KLC1: variants seen among roughly 807,000 people sequenced by gnomAD.
KLC1 encodes kinesin light chain 1.
Under a neutral mutation model 84.2 loss-of-function variants are expected in KLC1, and 30 were observed. The ratio of observed to expected loss-of-function variants is 0.36; its 90% CI spans 0.27 to 0.48. KLC1 has a LOEUF of 0.48. KLC1 is among the 20% of genes least tolerant of loss of function. The pLI is 0.99. For missense variants in KLC1, 499 were observed against 805.4 expected (o/e 0.62, Z 4.60); for synonymous variants, 289 against 293.3 (o/e 0.99, Z 0.15).
Position 103,657,724 on chromosome 14 carries a change from A to T in KLC1, c.440A>T (p.His147Leu). The change falls in exon 3 of 17, where the codon CAT becomes CTT. Residue 147 changes from histidine (H) to leucine (L), a missense_variant. By Grantham distance (99) the His-to-Leu change is moderately conservative. Coordinates refer to ENST00000334553, the MANE Select transcript of KLC1 (RefSeq NM_001394837.1). ...SVAQLEEEKK[H>L]LEFMNQLKKY... ...GCTCAACTGGAGGAGGAGAAGAAGC[A>T]TCTGGAGTTTATGAATCAGCTAAAA... The T allele has an allele frequency of 6.2e-7, 1 of 1,614,220 alleles. No homozygotes were observed.
At chr14:103,668,643 A>AT (rs1302840196) in intron 5 of KLC1, among the ~76,000 whole-genome samples, 101 of 148,788 alleles carry the variant, frequency 6.8e-4, no homozygotes, top group African/African-American at 2.2e-3. Context: ...ATGCCCGGCT[A>AT]TTTTTTTTTG....
chr14:103,638,876 A>C (rs1478020722), intron 1 of KLC1, among the ~76,000 whole-genome samples: 1 of 151,540 alleles, frequency 6.6e-6, no homozygotes, highest in East Asian at 1.9e-4. Flanking sequence ...GTATGAACAT[A>C]GGGTGTATGT....
intron 1 of KLC1, among the ~76,000 whole-genome samples, chr14:103,648,391 G>T (rs747566259): frequency 1.3e-5 from 2 of 152,114 alleles, no homozygotes; most frequent in Non-Finnish European, 2.9e-5. Context: ...TTAATCAGAG[G>T]TCCCAATGTG....
rs925591579 is a variant in KLC1, at chr14:103,693,784, G to A, written c.1848+1359G>A. 27 of 1,416,926 alleles carry A rather than the reference G, an allele frequency of 1.9e-5. 1 individual carries two copies. Among genetic ancestry groups the A allele is most frequent in the South Asian group, 1.1e-4 (7 of 65,622 alleles). 87.8% of individuals were successfully genotyped at this position (1,416,926 alleles called of 1,614,324 possible). On this transcript the variant is annotated intron_variant, in intron 15 of 16. Coordinates refer to ENST00000334553, the MANE Select transcript of KLC1 (RefSeq NM_001394837.1). This position sits in a 1 kb window ranked among gnomAD's most constrained non-coding sequence, Gnocchi z 5.1. ...GCCTTTTCAAAACACCCGGGAGGCC[G>A]TGCCTCAGCATTCTGTTACTCGGCC...
intron 13 of KLC1, among the ~76,000 whole-genome samples, chr14:103,684,179 A>G (rs1460428910): frequency 6.6e-6 from 1 of 152,236 alleles, no homozygotes; most frequent in Admixed American, 6.5e-5. Flanking sequence ...TCTGTCTCAA[A>G]TTACACTAGT....
In KLC1 at chr14:103,641,319, C is replaced by T. The variant is rs74924952; in HGVS notation, c.-2+11825C>T. ...CAGGATCCCATCCAAGATACCATAT[C>T]ACATTTAGTCATCATGCCTCCTGCT... On this transcript the variant is annotated intron_variant, in intron 1 of 16. Transcript: ENST00000334553. Among the ~76,000 whole-genome samples the T allele has an allele frequency of 1.6e-4, 24 of 152,092 alleles. No homozygotes were observed. In the East Asian group the frequency reaches 4.6e-3, roughly 29 times the overall value.
At chr14:103,685,727 G>C (rs2081733295) in intron 13 of KLC1, 2 of 1,289,258 alleles carry the variant, frequency 1.6e-6, no homozygotes, top group Non-Finnish European at 2.0e-6. Context: ...TGCCCGCTGT[G>C]TCTAGCAGCC....
At chr14:103,641,173 C>T (rs1042747148) in intron 1 of KLC1, among the ~76,000 whole-genome samples, 2 of 152,184 alleles carry the variant, frequency 1.3e-5, no homozygotes, top group Non-Finnish European at 2.9e-5. Flanking sequence ...GATCCACCTG[C>T]CTCGGCCTCC....
At chr14:103,658,782 C>T (rs761597782) in intron 3 of KLC1, among the ~76,000 whole-genome samples, 6 of 150,548 alleles carry the variant, frequency 4.0e-5, no homozygotes, top group South Asian at 2.1e-4. Flanking sequence ...CTCAGCCTCC[C>T]GAGTAGCTGG....
In KLC1 at chr14:103,657,556, C is replaced by G. The variant is rs780218101; in HGVS notation, c.272C>G (p.Ala91Gly). Residue 91 changes from alanine to glycine, a missense_variant, in exon 3 of 17, where the codon GCT becomes GGT. Ala to Gly is a moderately conservative substitution (Grantham distance 60). Transcript: ENST00000334553. ...TTTCTGTCTGCTCAGGTTATGATGG[C>G]TTTGTCAAATCACCTGAATGCTGTG... ...LGLSEAQVMM[A>G]LSNHLNAVES... 6.2e-7 allele frequency: 1 copy of G among 1,613,794 alleles called. No homozygotes were observed. Among genetic ancestry groups the G allele is most frequent in the Non-Finnish European group, 8.5e-7 (1 of 1,179,700 alleles).
chr14:103,670,116 G>A, intron 6 of KLC1, 66 bp from the exon 7 acceptor site: 1 of 990,942 alleles, frequency 1.0e-6, no homozygotes, highest in East Asian at 2.5e-5. Context: ...ATGAATATGT[G>A]GTGTATAAAT....
At position 103,654,739 on chromosome 14, in the gene KLC1, G is replaced by A; in HGVS notation, c.175G>A (p.Asp59Asn). Residue 59 changes from aspartate to asparagine, a missense_variant, in exon 2 of 17, where the codon GAT becomes AAT. Asp to Asn is a conservative substitution (Grantham distance 23). Around this residue, in one of 3 missense-constraint regions of KLC1, gnomAD observed 179 missense variants for 264.2 expected, o/e 0.68. Coordinates refer to ENST00000334553, the MANE Select transcript of KLC1 (RefSeq NM_001394837.1). ...GGAGACACTGAAGTGTTTGAAGAAA[G>A]ATGATGAAAGTAATTTGGTGGAGGA... is the stretch of plus-strand genomic sequence containing the variant. ...LLETLKCLKK[D>N]DESNLVEEKS... 1 of 1,614,218 alleles carries A rather than the reference G, an allele frequency of 6.2e-7. No homozygotes were observed. The highest frequency in any genetic ancestry group is 8.5e-7 in the Non-Finnish European group (1 of 1,180,026).
chr14:103,677,436 A>G lies in KLC1; in HGVS notation c.1401A>G (p.Leu467=). 2 of 1,612,872 alleles carry G rather than the reference A, an allele frequency of 1.2e-6. No individual in the cohort carries two copies. Among genetic ancestry groups the G allele is most frequent in the Non-Finnish European group, 1.7e-6 (2 of 1,178,824 alleles). ...KVDSPTVTTT[L]KNLGALYRRQ... is the part of the protein sequence containing the mutation. The stretch of plus-strand genomic sequence containing the variant: ...ACAGTCCAACTGTTACAACCACTCT[A>G]AAAAACCTTGGGGCACTTTACAGAC... Residue 467 remains leucine, a synonymous_variant, in exon 12 of 17, where the codon CTA becomes CTG. Coordinates refer to ENST00000334553, the MANE Select transcript of KLC1 (RefSeq NM_001394837.1).
chr14:103,665,251 A>G (rs576113719), intron 5 of KLC1, among the ~76,000 whole-genome samples: 5 of 151,974 alleles, frequency 3.3e-5, no homozygotes, highest in Non-Finnish European at 7.4e-5. Flanking sequence ...GAGTCTCACC[A>G]TGTTGCTCAG....
At chr14:103,631,351 A>C (rs1337645615) in intron 1 of KLC1, among the ~76,000 whole-genome samples, 1 of 151,796 alleles carries the variant, frequency 6.6e-6, no homozygotes, top group Non-Finnish European at 1.5e-5. Context: ...AAGTGCTGGG[A>C]TTACAGGCGT....
rs147555961 is a variant in KLC1, at chr14:103,675,373, A to T, written c.1262-179A>T. The stretch of plus-strand genomic sequence containing the variant: ...CTTCATGATTTCTAGTTTACTTAGC[A>T]GGCTCTGTTATCCTTCATTTATAGT... On this transcript the variant is annotated intron_variant, in intron 9 of 16. Coordinates refer to ENST00000334553, the MANE Select transcript of KLC1 (RefSeq NM_001394837.1). 3.6e-3 allele frequency among the ~76,000 whole-genome samples: 549 copies of T among 152,314 alleles called. 3 individuals are homozygous for T. The highest frequency in any genetic ancestry group is 0.012 in the African/African-American group (481 of 41,570).
rs1179567409 is a variant in KLC1, at chr14:103,694,446, C to CAGTT, written c.1848+2022_1848+2023insGTTA. 1.0e-6 allele frequency: 1 copy of CAGTT among 985,238 alleles called. No homozygotes were observed. The highest frequency in any genetic ancestry group is 1.1e-4 in the East Asian group (1 of 8,830). The allele number at this position is 985,238 out of a possible 1,614,324, so 61.0% of individuals were successfully genotyped here. ...AGGAGATCGAGACCATCCTGGCTAA[C>CAGTT]ATGGCGTTTCACTTTTTAAAAGCTT... is the stretch of plus-strand genomic sequence containing the variant. On this transcript the variant is annotated intron_variant, in intron 15 of 16. Transcript: ENST00000334553. The surrounding 1 kb of genome is among the most constrained non-coding windows in gnomAD (Gnocchi z 4.5).
At position 103,685,360 on chromosome 14, in the gene KLC1, A is replaced by G. The variant is rs2081700755; in HGVS notation, c.1651-1721A>G. 6 of 1,234,046 alleles carry G rather than the reference A, an allele frequency of 4.9e-6. No homozygotes were observed. In the South Asian group the frequency reaches 9.7e-5, roughly 20 times the overall value. 76.4% of individuals were successfully genotyped at this position (1,234,046 alleles called of 1,614,324 possible). On this transcript the variant is annotated intron_variant, in intron 13 of 16. Transcript: ENST00000334553. The stretch of plus-strand genomic sequence containing the variant: ...ACACCAAGTGTCAAGGAGATTTCTA[A>G]TACGTTGCCAATCTTTACGCTTAAA...
At chr14:103,686,942 G>T in intron 13 of KLC1, 139 bp from the exon 14 acceptor site, 4 of 462,920 alleles carry the variant, frequency 8.6e-6, no homozygotes, top group Non-Finnish European at 1.6e-5. Context: ...GTAATTGGTG[G>T]TTTCTGCAAG....
Sources: gnomAD v4.1 joint callset for allele counts (sites outside exome capture counted in the v4.1 genomes callset) on GRCh38, gnomAD v4.1.1 for gene constraint, gnomAD v4.1.1 regional missense constraint, Gnocchi (gnomAD v3.1) non-coding constraint, MANE v1.5 for transcripts, NCBI Gene and HGNC (gene_info 2026-07-23, HGNC 2026-07-21) for gene names.